Variants in LHX9 observed in about 807,000 individuals in gnomAD.
LHX9 encodes the protein LIM/homeobox protein Lhx9.
In LHX9, 9 loss-of-function variants were observed where a neutral mutation model predicts 36.5. The ratio of observed to expected loss-of-function variants is 0.25; its 90% confidence interval spans 0.15 to 0.43. The LOEUF (loss-of-function observed/expected upper bound fraction) is 0.43, where lower values mean the gene tolerates loss of function less well. Among genes scored for constraint, LHX9 ranks in the 20% least tolerant of loss-of-function variants. LHX9 has a pLI of 1.00. For missense variants in LHX9, 464 were observed against 526.4 expected (o/e 0.88, Z 1.16); for synonymous variants, 211 against 212.1 (o/e 0.99, Z 0.04).
intron 3 of LHX9, among the ~76,000 whole-genome samples, chr1:197,924,030 G>A (rs1436109764): frequency 2.0e-5 from 3 of 152,122 alleles, no homozygotes; most frequent in African/African-American, 7.2e-5. Flanking sequence ...TAAAGATCAG[G>A]TTAAAATTAT....
In LHX9 at chr1:197,929,753, T is replaced by G. The variant is rs895355000; in HGVS notation, c.*494T>G. ...CGTTACATTTTTTAAATCTTAAAAC[T>G]GAAAACTTGTTTTTAGTATTTCTAT... On this transcript the variant is annotated 3_prime_UTR_variant, in exon 5 of 5. Transcript: ENST00000367387. 9 of 947,794 alleles carry G rather than the reference T, an allele frequency of 9.5e-6. No individual in the cohort carries two copies. Among genetic ancestry groups the G allele is most frequent in the African/African-American group, 1.8e-5 (1 of 56,494 alleles). 58.7% of individuals were successfully genotyped at this position (947,794 alleles called of 1,614,324 possible).
In LHX9 at chr1:197,932,069, ATT is replaced by A; in HGVS notation, c.*2811_*2812del. On this transcript the variant is annotated 3_prime_UTR_variant, in exon 5 of 5. Transcript: ENST00000367387. ...ATGATAATCATACATTAAAAAATTT[ATT>A]AAGCCAAAAAAAAAGAGAGAGAGAG... The A allele has an allele frequency of 1.2e-6, 1 of 824,934 alleles. No individual in the cohort carries two copies. Among genetic ancestry groups the A allele is most frequent in the Middle Eastern group, 2.5e-4 (1 of 4,062 alleles). 51.1% of individuals were successfully genotyped at this position (824,934 alleles called of 1,614,324 possible).
intron 1 of LHX9, chr1:197,918,467 G>A (rs1571398843): frequency 1.6e-5 from 11 of 698,128 alleles, no homozygotes; most frequent in Non-Finnish European, 2.7e-5. Context: ...AGATTCCGAC[G>A]CGACTGGGTC....
At position 197,917,921 on chromosome 1, in the gene LHX9, T is replaced by C. The variant is rs1227017531; in HGVS notation, c.98T>C (p.Ile33Thr). The C allele has an allele frequency of 6.2e-7, 1 of 1,614,160 alleles. No homozygotes were observed. The highest frequency in any genetic ancestry group is 1.1e-5 in the South Asian group (1 of 91,084). The change falls in exon 1 of 5, where the codon ATC (isoleucine) becomes ACC (threonine). Residue 33 changes from isoleucine (I) to threonine (T), a missense_variant. Around this residue, in one of 5 missense-constraint regions of LHX9, gnomAD observed 119 missense variants for 102.4 expected, o/e 1.16. Coordinates refer to ENST00000367387, the MANE Select transcript of LHX9 (RefSeq NM_020204.3). ...HGISGGHIQGIMEEMERRSKT... is the reference protein window; with the variant it reads ...HGISGGHIQGTMEEMERRSKT... ...ATCTCCGGAGGCCACATCCAAGGCA[T>C]CATGGAGGAGATGGAGCGCAGATCC...
chr1:197,917,344 AC>A, upstream of LHX9: 1 of 1,276,412 alleles, frequency 7.8e-7, no homozygotes, highest in Non-Finnish European at 1.0e-6. Context: ...TAGTCTCTTA[AC>A]AAATTGGACA....
rs764317541 is a variant in LHX9 at position 197,929,242 on chromosome 1, T to C, written c.1177T>C (p.Leu393=). Residue 393 remains leucine (L), a synonymous_variant, in exon 5 of 5, where the codon TTA becomes CTA. Coordinates refer to ENST00000367387, the MANE Select transcript of LHX9 (RefSeq NM_020204.3). The part of the protein sequence containing the change: ...HESGSPSQTT[L]TNLF The stretch of plus-strand genomic sequence containing the variant: ...ATCCGGAAGCCCCTCACAAACTACC[T>C]TAACAAACCTTTTCTAACATTGGTT... 1 of 1,431,642 alleles carries C rather than the reference T, an allele frequency of 7.0e-7. No individual in the cohort carries two copies. Among genetic ancestry groups the C allele is most frequent in the Non-Finnish European group, 9.2e-7 (1 of 1,087,554 alleles). 88.7% of individuals were successfully genotyped at this position (1,431,642 alleles called of 1,614,324 possible). A position where few individuals can be genotyped will look rare whatever the true frequency, so the allele number is the denominator to read the frequency against.
upstream of LHX9, chr1:197,912,974 C>A: frequency 4.9e-6 from 1 of 202,936 alleles, no homozygotes; most frequent in Non-Finnish European, 9.9e-6. Context: ...TAGGGGTTAA[C>A]TGGAAACTGG....
rs1660289612 is a variant in LHX9 at position 197,930,223 on chromosome 1, C to T, written c.*964C>T. 1 of 244,406 alleles carries T rather than the reference C, an allele frequency of 4.1e-6. No individual in the cohort carries two copies. Among genetic ancestry groups the T allele is most frequent in the Non-Finnish European group, 6.5e-6 (1 of 152,874 alleles). The allele number at this position is 244,406 out of a possible 1,614,324, so 15.1% of individuals were successfully genotyped here. On this transcript the variant is annotated 3_prime_UTR_variant, in exon 5 of 5. Coordinates refer to ENST00000367387, the MANE Select transcript of LHX9 (RefSeq NM_020204.3). ...TTCTATATGAATAATGTTTAAAATA[C>T]CCAGCCTGGTAGACTTATACCAACA...
chr1:197,924,790 C>T (rs1485237750), intron 3 of LHX9, among the ~76,000 whole-genome samples: 12 of 152,234 alleles, frequency 7.9e-5, no homozygotes, highest in South Asian at 2.1e-4. Flanking sequence ...GGGTGCCCAT[C>T]GCATAAGTGA....
At chr1:197,924,745 G>C (rs1336746530) in intron 3 of LHX9, among the ~76,000 whole-genome samples, 1 of 152,158 alleles carries the variant, frequency 6.6e-6, no homozygotes, top group East Asian at 1.9e-4. Flanking sequence ...TTCTCAGAAG[G>C]TTACATACCT....
At chr1:197,919,389 A>G (rs960106097) in intron 1 of LHX9, among the ~76,000 whole-genome samples, 2 of 152,252 alleles carry the variant, frequency 1.3e-5, no homozygotes, top group African/African-American at 4.8e-5. Context: ...GAACGGCACC[A>G]ATAGCCCTGA....
intron 4 of LHX9, among the ~76,000 whole-genome samples, chr1:197,928,192 T>A (rs1557977091): frequency 6.6e-6 from 1 of 152,200 alleles, no homozygotes; most frequent in Non-Finnish European, 1.5e-5. Context: ...TTTGGCAGCC[T>A]CACTCACCTT....
chr1:197,918,072 G>T, intron 1 of LHX9, 75 bp downstream of exon 1: 1 of 1,517,620 alleles, frequency 6.6e-7, no homozygotes, highest in African/African-American at 1.4e-5. Context: ...CTCCCTGGCC[G>T]GTGGAGAACC....
At chr1:197,916,695 C>T (rs182509449), upstream of LHX9, 8 of 702,940 alleles carry the variant, frequency 1.1e-5, no homozygotes, top group East Asian at 1.6e-4. Flanking sequence ...ACGCTCCAAA[C>T]GCCCTCTCCA....
upstream of LHX9, chr1:197,912,606 C>T (rs762923208): frequency 4.4e-6 from 7 of 1,580,582 alleles, no homozygotes; most frequent in Non-Finnish European, 1.7e-6. Context: ...CCCCTTGGGC[C>T]AGTGCGTATA....
At chr1:197,917,245 T>C, upstream of LHX9, 12 of 1,206,916 alleles carry the variant, frequency 9.9e-6, no homozygotes, top group Non-Finnish European at 1.2e-5. Context: ...TTGAGAGGAG[T>C]ATGACAGGTC....
At position 197,921,179 on chromosome 1, in the gene LHX9, C is replaced by T. The variant is rs1424650543; in HGVS notation, c.378-125C>T. 3 of 657,100 alleles carry T rather than the reference C, an allele frequency of 4.6e-6. No homozygotes were observed. Among genetic ancestry groups the T allele is most frequent in the Non-Finnish European group, 7.7e-6 (3 of 388,708 alleles). The allele number at this position is 657,100 out of a possible 1,614,324, so 40.7% of individuals were successfully genotyped here. Reference sequence around the variant, plus strand: ...AGCAAATAAAATTAATGCCTACTCTCCTGTCCCCCTGGAACCCTCCCAGGT... The same window carrying T: ...AGCAAATAAAATTAATGCCTACTCTTCTGTCCCCCTGGAACCCTCCCAGGT... On this transcript the variant is annotated intron_variant, in intron 2 of 4. Coordinates refer to ENST00000367387, the MANE Select transcript of LHX9 (RefSeq NM_020204.3). This position sits in a 1 kb window ranked among gnomAD's most constrained non-coding sequence, Gnocchi z 4.6.
upstream of LHX9, chr1:197,917,090 A>AGG: frequency 6.4e-6 from 1 of 156,956 alleles, no homozygotes; most frequent in Non-Finnish European, 1.3e-5. Flanking sequence ...TCTTGGAAGG[A>AGG]TGTGTGTGTG....
upstream of LHX9, chr1:197,915,954 G>C (rs1343955824): frequency 6.6e-6 from 1 of 152,010 alleles, no homozygotes; most frequent in African/African-American, 2.4e-5. Context: ...CCGGGCGGAG[G>C]GAAGCGGGTC....
Sources: allele counts gnomAD v4.1 joint callset (sites outside exome capture counted in the v4.1 genomes callset), GRCh38; gene constraint gnomAD v4.1.1; regional missense constraint gnomAD v4.1.1; non-coding constraint Gnocchi (gnomAD v3.1); transcripts MANE v1.5; gene names NCBI Gene and HGNC (gene_info 2026-07-23, HGNC 2026-07-21).